Variants in FRMD7 observed in about 807,000 individuals in gnomAD.
FRMD7 encodes the protein FERM domain-containing protein 7.
Under a neutral mutation model 44.1 loss-of-function variants are expected in FRMD7, and 14 were observed. The observed-to-expected ratio is 0.32, with a 90% CI of 0.21 to 0.50. The LOEUF (loss-of-function observed/expected upper bound fraction) is 0.50. Ranked by LOEUF, FRMD7 falls within the 20% of genes least tolerant of loss-of-function variation. FRMD7 has a pLI of 0.99. For missense variants in FRMD7, 501 were observed against 522.3 expected (o/e 0.96, Z 0.40); for synonymous variants, 212 against 187.4 (o/e 1.13, Z -1.07).
rs766008987 is a variant in FRMD7 at position 132,077,939 on chromosome X, G to A, written c.2078C>T (p.Ala693Val). The A allele has an allele frequency of 1.7e-6, 2 of 1,210,999 alleles. No individual in the cohort carries two copies. Among genetic ancestry groups the A allele is most frequent in the South Asian group, 3.5e-5 (2 of 56,959 alleles). Residue 693 changes from alanine (A) to valine (V), a missense_variant, in exon 12 of 12, where the codon GCT becomes GTT. Transcript: ENST00000298542. ...TTCAGCAGTTGGTGTGTTGAAATAA[G>A]CATCTTCATCTTCTTCATCTAACTG... ...SLQLDEEDED[A>V]YFNTPTAEDR...
intron 5 of FRMD7, among the ~76,000 whole-genome samples, chrX:132,092,699 T>G (rs1219498913): frequency 8.9e-6 from 1 of 111,981 alleles, no homozygotes; most frequent in African/African-American, 3.3e-5. Context: ...CGTCAGAGAC[T>G]GCCTGGGAGC....
intron 1 of FRMD7, among the ~76,000 whole-genome samples, chrX:132,102,003 C>T (rs962912168): frequency 9.0e-6 from 1 of 111,264 alleles, no homozygotes; most frequent in African/African-American, 3.3e-5. Flanking sequence ...GCCTACAGTG[C>T]TGCAAAGGAA....
At chrX:132,099,667 A>G (rs1463625459) in intron 2 of FRMD7, among the ~76,000 whole-genome samples, 157 bp from the exon 3 acceptor site, 1 of 111,901 alleles carries the variant, frequency 8.9e-6, no homozygotes, top group African/African-American at 3.3e-5. Context: ...TAGGTGGCAT[A>G]CTACGTTTAA....
At chrX:132,127,693 AAAG>A in intron 1 of FRMD7, 92 bp downstream of exon 1, 5 of 699,714 alleles carry the variant, frequency 7.1e-6, no homozygotes, top group Non-Finnish European at 1.2e-5. Flanking sequence ...ATTCAGTCCT[AAAG>A]AAGACATAAC....
intron 8 of FRMD7, among the ~76,000 whole-genome samples, chrX:132,083,373 G>A (rs192952670): frequency 3.6e-5 from 4 of 111,322 alleles, no homozygotes; most frequent in African/African-American, 1.3e-4. Flanking sequence ...CCTAAAGTTC[G>A]AGTTTTCCCC....
chrX:132,114,135 T>C (rs1220244686), intron 1 of FRMD7, among the ~76,000 whole-genome samples: 1 of 111,331 alleles, frequency 9.0e-6, no homozygotes, highest in East Asian at 2.8e-4. Flanking sequence ...TTTACTCCAT[T>C]TAGAAACAGT....
At chrX:132,087,621 A>G (rs1056768439) in intron 5 of FRMD7, among the ~76,000 whole-genome samples, 2 of 111,915 alleles carry the variant, frequency 1.8e-5, no homozygotes, top group Non-Finnish European at 3.8e-5. Context: ...TCTATCAAAT[A>G]TTCAAAGAAG....
chrX:132,100,504 C>T lies in FRMD7; in HGVS notation c.162+108G>A, dbSNP rs941352531. 4 of 572,839 alleles carry T rather than the reference C, an allele frequency of 7.0e-6. No individual in the cohort carries two copies. In the African/African-American group the frequency reaches 9.0e-5, roughly 13 times the overall value. The allele number at this position is 572,839 out of a possible 1,213,427, so 47.2% of individuals were successfully genotyped here. A position where few individuals can be genotyped will look rare whatever the true frequency, so the allele number is the denominator to read the frequency against. ...AATCTAATCATGTTGCAAGGGTGCA[C>T]ATAGTTTTTCATTTTTCAATCAGGG... On this transcript the variant is annotated intron_variant, in intron 2 of 11. Transcript: ENST00000298542.
chrX:132,110,669 C>CTTGTTACTGAATACTCTCCATCCG (rs1928756286), intron 1 of FRMD7, among the ~76,000 whole-genome samples: 2 of 112,209 alleles, frequency 1.8e-5, no homozygotes, highest in South Asian at 7.4e-4. Flanking sequence ...CTCTCCATCC[C>CTTGTTACTGAATACTCTCCATCCG]TTGTTACTGA....
At chrX:132,120,013 A>C (rs1928995390) in intron 1 of FRMD7, among the ~76,000 whole-genome samples, 1 of 111,387 alleles carries the variant, frequency 9.0e-6, no homozygotes, top group African/African-American at 3.3e-5. Flanking sequence ...CTGGGCTGGC[A>C]GTCTCCAGGC....
intron 7 of FRMD7, among the ~76,000 whole-genome samples, chrX:132,085,254 C>T (rs1229233436): frequency 9.0e-6 from 1 of 111,360 alleles, no homozygotes; most frequent in Non-Finnish European, 1.9e-5. Flanking sequence ...TGCTTTTTTG[C>T]TTATTTGTTG....
At chrX:132,117,469 T>G (rs1223411707) in intron 1 of FRMD7, among the ~76,000 whole-genome samples, 8 of 112,505 alleles carry the variant, frequency 7.1e-5, no homozygotes, top group Non-Finnish European at 1.5e-4. Context: ...GTAACGTGCT[T>G]TACCTCACAT....
intron 9 of FRMD7, among the ~76,000 whole-genome samples, chrX:132,081,118 A>T (rs988972059): frequency 3.6e-5 from 4 of 111,719 alleles, no homozygotes; most frequent in Non-Finnish European, 7.5e-5. Context: ...GTGGATTACA[A>T]GGTCAGGGGT....
At chrX:132,094,194 C>A in intron 4 of FRMD7, 55 bp from the exon 5 acceptor site, 2 of 733,335 alleles carry the variant, frequency 2.7e-6, no homozygotes, top group East Asian at 6.4e-5. Context: ...AAGAAAGAAG[C>A]ATTTTCCTTC....
chrX:132,094,102 G>T lies in FRMD7; in HGVS notation c.322C>A (p.Leu108Ile). Residue 108 changes from leucine (L) to isoleucine (I), a missense_variant, in exon 5 of 12, where the codon CTA becomes ATA. Leu to Ile is a conservative substitution (Grantham distance 5). Around this residue, in one of 3 missense-constraint regions of FRMD7, gnomAD observed 453 missense variants for 452.7 expected, o/e 1.00. Transcript: ENST00000298542. Reference sequence around the variant, plus strand: ...TTGTCACTGCATGGAAGCCTTCCTAGAGCCAAATCCTTCTTTATTTGAAGA... The same window carrying T: ...TTGTCACTGCATGGAAGCCTTCCTATAGCCAAATCCTTCTTTATTTGAAGA... The part of the protein sequence containing the change: ...FTLQIKKDLA[L>I]GRLPCSDNCT... 8.5e-7 allele frequency: 1 copy of T among 1,176,093 alleles called. No individual in the cohort carries two copies. The highest frequency in any genetic ancestry group is 1.2e-6 in the Non-Finnish European group (1 of 863,082).
At chrX:132,091,927 A>T (rs1030365029) in intron 5 of FRMD7, among the ~76,000 whole-genome samples, 3 of 112,206 alleles carry the variant, frequency 2.7e-5, no homozygotes, top group Non-Finnish European at 5.6e-5. Flanking sequence ...CTGCCCCCAG[A>T]ATTCTTCCAT....
At chrX:132,112,953 T>C (rs1486012254) in intron 1 of FRMD7, among the ~76,000 whole-genome samples, 1 of 110,854 alleles carries the variant, frequency 9.0e-6, no homozygotes, top group Non-Finnish European at 1.9e-5. Context: ...CTGGATGGAG[T>C]CTAAGAGACT....
At position 132,078,110 on chromosome X, in the gene FRMD7, A is replaced by G. The variant is rs764622962; in HGVS notation, c.1907T>C (p.Leu636Pro). 1.7e-6 allele frequency: 2 copies of G among 1,211,441 alleles called. No homozygotes were observed. Among genetic ancestry groups the G allele is most frequent in the Admixed American group, 4.3e-5 (2 of 46,053 alleles). The change falls in exon 12 of 12, where the codon CTA (leucine) becomes CCA (proline). Residue 636 changes from leucine to proline, a missense_variant. Leu to Pro is a moderately conservative substitution (Grantham distance 98, BLOSUM62 -3). This residue lies in a region of FRMD7 where 453 missense variants were observed against 452.7 expected (regional missense o/e 1.00). Coordinates refer to ENST00000298542, the MANE Select transcript of FRMD7 (RefSeq NM_194277.3). Reference protein sequence around the residue: ...MFAEQELPAVLMDQSTAERYV... With the variant: ...MFAEQELPAVPMDQSTAERYV... ...CCTTTCTGCTGTACTTTGATCCATT[A>G]GAACTGCTGGCAACTCCTGCTCTGC...
At position 132,078,504 on chromosome X, in the gene FRMD7, C is replaced by G; in HGVS notation, c.1513G>C (p.Val505Leu). The G allele has an allele frequency of 2.5e-6, 3 of 1,210,769 alleles. No individual in the cohort carries two copies. Reference sequence around the variant, plus strand: ...GCTCTAATTGGGGACCATCTGGGCACCTGGGGTGGCTTGTCCACATAAAAA... The same window carrying G: ...GCTCTAATTGGGGACCATCTGGGCAGCTGGGGTGGCTTGTCCACATAAAAA... ...VFFYVDKPPQ[V>L]PRWSPIRAEE... Residue 505 changes from valine (V) to leucine (L), a missense_variant, in exon 12 of 12, where the codon GTG (valine) becomes CTG (leucine). Val to Leu is a conservative substitution (Grantham distance 32). This residue lies in a region of FRMD7 where 453 missense variants were observed against 452.7 expected (regional missense o/e 1.00). Transcript: ENST00000298542.
Sources: allele counts gnomAD v4.1 joint callset (sites outside exome capture counted in the v4.1 genomes callset), GRCh38; gene constraint gnomAD v4.1.1; regional missense constraint gnomAD v4.1.1; transcripts MANE v1.5; gene names NCBI Gene and HGNC (gene_info 2026-07-23, HGNC 2026-07-21).